Variants in ZNF536 observed in about 807,000 individuals in gnomAD.
The protein encoded by ZNF536 is zinc finger protein 536.
ZNF536 carries 13 observed loss-of-function variants against 84.5 expected under a neutral mutation model. The observed-to-expected ratio is 0.15, with a 90% CI of 0.10 to 0.24. The LOEUF is 0.24. Ranked by LOEUF, ZNF536 falls within the 10% of genes least tolerant of loss-of-function variation. The pLI, the probability that ZNF536 is intolerant of heterozygous loss-of-function variation, is 1.00. For missense variants in ZNF536, 1,536 were observed against 1,747.5 expected (o/e 0.88, Z 2.16); for synonymous variants, 811 against 742.5 (o/e 1.09, Z -1.50).
rs147234584 is a variant in ZNF536 at position 30,311,965 on chromosome 19, G to T, written c.-120+27824G>T. ...CACCTGTCAGCCCAGCTACTTAGGA[G>T]GCTGAGATGGAAGGATCACTTGAGC... On this transcript the variant is annotated intron_variant, in intron 2 of 5. Transcript: ENST00000585628. 3.7e-3 allele frequency among the ~76,000 whole-genome samples: 568 copies of T among 152,280 alleles called. 19 individuals carry two copies. The highest frequency in any genetic ancestry group is 0.034 in the Admixed American group (517 of 15,296).
chr19:30,423,885 G>A (rs989320966), intron 1 of ZNF536, among the ~76,000 whole-genome samples: 1 of 152,098 alleles, frequency 6.6e-6, no homozygotes, highest in Non-Finnish European at 1.5e-5. Context: ...ATATGATGGG[G>A]ATTTCAGGGG....
chr19:30,560,164 G>A (rs993373599), downstream of ZNF536, among the ~76,000 whole-genome samples: 27 of 152,130 alleles, frequency 1.8e-4, no homozygotes, highest in Non-Finnish European at 1.3e-4. Context: ...TCTGTGGAAT[G>A]AGCCAACTTC....
intron 1 of ZNF536, among the ~76,000 whole-genome samples, chr19:30,611,013 C>T (rs1599998595): frequency 6.6e-6 from 1 of 152,146 alleles, no homozygotes; most frequent in Non-Finnish European, 1.5e-5. Context: ...GAGGGCTTAC[C>T]ATGTGCTTCC....
In ZNF536 at chr19:30,330,357, T is replaced by A. The variant is rs548100175; in HGVS notation, c.-119-22011T>A. On this transcript the variant is annotated intron_variant, in intron 2 of 5. Transcript: ENST00000585628. Reference sequence around the variant, plus strand: ...CTTGAGTGGTCAGTTTCTTGCACACTGGGTTATGTGTCACTGGCATTTTAG... The same window carrying A: ...CTTGAGTGGTCAGTTTCTTGCACACAGGGTTATGTGTCACTGGCATTTTAG... Among the ~76,000 whole-genome samples the A allele has an allele frequency of 6.6e-5, 10 of 152,300 alleles. No individual in the cohort carries two copies. In the South Asian group the frequency reaches 2.1e-3, roughly 32 times the overall value.
At chr19:30,270,701 C>T (rs2025781584) in intron 1 of ZNF536, among the ~76,000 whole-genome samples, 1 of 149,756 alleles carries the variant, frequency 6.7e-6, no homozygotes. Context: ...TGTTGCAGAA[C>T]ATTTAAAAAT....
At chr19:30,529,359 T>TAG (rs1748938690) in intron 2 of ZNF536, among the ~76,000 whole-genome samples, 1 of 152,196 alleles carries the variant, frequency 6.6e-6, no homozygotes. Flanking sequence ...GTGACAGTGT[T>TAG]TTCTAAGTAT....
At chr19:30,433,783 C>T (rs992992419) in intron 1 of ZNF536, among the ~76,000 whole-genome samples, 2 of 152,224 alleles carry the variant, frequency 1.3e-5, no homozygotes, top group Non-Finnish European at 2.9e-5. Flanking sequence ...AGGCGTGAGC[C>T]ACCATGCCTG....
chr19:30,673,539 AG>A (rs951506200), intron 1 of ZNF536, among the ~76,000 whole-genome samples: 23 of 152,154 alleles, frequency 1.5e-4, no homozygotes, highest in Non-Finnish European at 2.6e-4. Flanking sequence ...TCGCCCGCAC[AG>A]CACCATGGCC....
intron 1 of ZNF536, among the ~76,000 whole-genome samples, chr19:30,253,050 G>C (rs1190442136): frequency 1.3e-5 from 2 of 152,090 alleles, no homozygotes; most frequent in Admixed American, 6.5e-5. Flanking sequence ...TTCTGAAGTG[G>C]GCACCCACAA....
intron 3 of ZNF536, among the ~76,000 whole-genome samples, chr19:30,547,150 G>T (rs2045589228): frequency 6.6e-6 from 1 of 152,140 alleles, no homozygotes; most frequent in Non-Finnish European, 1.5e-5. Flanking sequence ...GCACTACAAA[G>T]ACCAGTAGAT....
chr19:30,425,572 C>T lies in ZNF536; in HGVS notation c.-2-17989C>T, dbSNP rs139839086. 3.7e-3 allele frequency among the ~76,000 whole-genome samples: 557 copies of T among 152,238 alleles called. 3 individuals carry two copies. Among genetic ancestry groups the T allele is most frequent in the African/African-American group, 0.013 (528 of 41,546 alleles). On this transcript the variant is annotated intron_variant, in intron 1 of 4. Transcript: ENST00000355537. ...GGCCTTGTCCCCAGTGCTGCATAAC[C>T]CCACTGCCACCCGCTTAGACTCTTC...
intron 1 of ZNF536, among the ~76,000 whole-genome samples, chr19:30,689,937 G>A (rs56028527): frequency 0.072 from 10,936 of 152,236 alleles, 555 homozygotes; most frequent in South Asian, 0.14. Flanking sequence ...TTGGCATCAT[G>A]GATTTTAACA....
At chr19:30,689,160 G>C (rs2051311009) in intron 1 of ZNF536, among the ~76,000 whole-genome samples, 1 of 152,252 alleles carries the variant, frequency 6.6e-6, no homozygotes, top group Non-Finnish European at 1.5e-5. Flanking sequence ...CTACGCAGCT[G>C]TTAAGAGCTG....
chr19:30,537,345 C>T (rs573042029), intron 3 of ZNF536, among the ~76,000 whole-genome samples: 34 of 152,268 alleles, frequency 2.2e-4, no homozygotes, highest in Non-Finnish European at 4.0e-4. Flanking sequence ...TGCCAGGATA[C>T]GGGAGGTGGT....
intron 1 of ZNF536, among the ~76,000 whole-genome samples, chr19:30,383,817 T>C (rs2049166055): frequency 6.9e-6 from 1 of 145,962 alleles, no homozygotes; most frequent in Non-Finnish European, 1.5e-5. Flanking sequence ...TCTTTCTCTC[T>C]TTCTTTCTTT....
At chr19:30,279,695 C>T (rs556207884) in intron 1 of ZNF536, among the ~76,000 whole-genome samples, 6 of 152,248 alleles carry the variant, frequency 3.9e-5, no homozygotes, top group East Asian at 1.9e-4. Flanking sequence ...TATCTTGGGA[C>T]GCAGAGAGCC....
At chr19:30,411,630 C>T (rs369063918) in intron 1 of ZNF536, among the ~76,000 whole-genome samples, 26 of 152,212 alleles carry the variant, frequency 1.7e-4, no homozygotes, top group East Asian at 1.5e-3. Context: ...GTGTCACTTT[C>T]GGGCTTCTCT....
rs1599840118 is a variant in ZNF536, at chr19:30,569,259, A to G, written c.169+19745A>G. Reference sequence around the variant, plus strand: ...AATTTTATGATACCCTGGTGAGGTTAGAAGACCCCATAGCCATTTTTTGAT... The same window carrying G: ...AATTTTATGATACCCTGGTGAGGTTGGAAGACCCCATAGCCATTTTTTGAT... On this transcript the variant is annotated intron_variant, in intron 1 of 1. Transcript: ENST00000592773. 2.0e-5 allele frequency among the ~76,000 whole-genome samples: 3 copies of G among 152,142 alleles called. No homozygotes were observed. The East Asian group carries it at 5.8e-4, about 29-fold the overall frequency.
chr19:30,503,209 A>G (rs1476293885), intron 2 of ZNF536, among the ~76,000 whole-genome samples: 1 of 152,154 alleles, frequency 6.6e-6, no homozygotes, highest in Non-Finnish European at 1.5e-5. Context: ...ATAACATGCA[A>G]AATACAGTAT....
Sources: gnomAD v4.1 joint callset for allele counts (sites outside exome capture counted in the v4.1 genomes callset) on GRCh38, gnomAD v4.1.1 for gene constraint, MANE v1.5 for transcripts, NCBI Gene and HGNC (gene_info 2026-07-23, HGNC 2026-07-21) for gene names.